TRIM44: variants seen among roughly 807,000 people sequenced by gnomAD.
TRIM44 encodes the protein tripartite motif containing 44, also known as tripartite motif-containing protein 44.
Under a neutral mutation model 37.4 loss-of-function variants are expected in TRIM44, and 13 were observed. The observed-to-expected ratio is 0.35, with a 90% CI of 0.23 to 0.55. The LOEUF (loss-of-function observed/expected upper bound fraction) is 0.55, where lower values mean the gene tolerates loss of function less well. TRIM44 is among the 20% of genes least tolerant of loss of function. The probability of loss-of-function intolerance (pLI) is 0.89; values close to 1 mark genes in which losing one functional copy is unlikely to be tolerated. For synonymous variants in TRIM44, 175 were observed against 157.2 expected (o/e 1.11, Z -0.85); for missense variants, 426 against 437.2 (o/e 0.97, Z 0.23).
At chr11:35,749,036 G>A (rs536976231) in intron 4 of TRIM44, among the ~76,000 whole-genome samples, 7 of 152,146 alleles carry the variant, frequency 4.6e-5, no homozygotes, top group Admixed American at 2.6e-4. Context: ...GTGTGTATGT[G>A]TATGTTAGAG....
At chr11:35,754,758 G>T (rs571534586) in intron 4 of TRIM44, among the ~76,000 whole-genome samples, 32 of 150,906 alleles carry the variant, frequency 2.1e-4, no homozygotes, top group Non-Finnish European at 4.3e-4. Context: ...TGCGGTGTTT[G>T]GTTTTTTGTT....
At chr11:35,674,202 T>G (rs1450918959) in intron 1 of TRIM44, among the ~76,000 whole-genome samples, 1 of 150,132 alleles carries the variant, frequency 6.7e-6, no homozygotes, top group African/African-American at 2.5e-5. Context: ...GAGTTGAATC[T>G]TGTGTGTGTG....
At chr11:35,690,117 A>G (rs1384725598) in intron 2 of TRIM44, among the ~76,000 whole-genome samples, 1 of 152,178 alleles carries the variant, frequency 6.6e-6, no homozygotes, top group African/African-American at 2.4e-5. Flanking sequence ...ATCATACCCA[A>G]GGCTTCCTGA....
intron 2 of TRIM44, among the ~76,000 whole-genome samples, chr11:35,699,582 A>G (rs553747409): frequency 6.6e-6 from 1 of 152,124 alleles, no homozygotes; most frequent in East Asian, 1.9e-4. Context: ...TATTCAACAT[A>G]GTGTTGAAAG....
intron 4 of TRIM44, among the ~76,000 whole-genome samples, chr11:35,768,341 G>GT (rs1852823690): frequency 6.6e-6 from 1 of 152,188 alleles, no homozygotes. Context: ...TTGAAAATAA[G>GT]TAAAAGAAGC....
At chr11:35,802,258 A>G (rs961328538) in intron 4 of TRIM44, among the ~76,000 whole-genome samples, 8 of 152,310 alleles carry the variant, frequency 5.3e-5, no homozygotes, top group Admixed American at 3.9e-4. Flanking sequence ...AGATAGATAA[A>G]ACACACAGCC....
rs929959124 is a variant in TRIM44 at position 35,817,074 on chromosome 11, T to C, written c.*10689T>C. Reference sequence around the variant, plus strand: ...AGGTTGTATTAGTCGTTTGCTCCTATATTACTAATGATGACAAAGTCGCCT... The same window carrying C: ...AGGTTGTATTAGTCGTTTGCTCCTACATTACTAATGATGACAAAGTCGCCT... On this transcript the variant is annotated 3_prime_UTR_variant, in exon 5 of 5. Transcript: ENST00000299413. The C allele has an allele frequency of 6.6e-6, 1 of 152,218 alleles. No individual in the cohort carries two copies. The highest frequency in any genetic ancestry group is 2.4e-5 in the African/African-American group (1 of 41,462). The allele number at this position is 152,218 out of a possible 1,614,324, so 9.4% of individuals were successfully genotyped here.
chr11:35,785,866 A>C (rs1001739764), intron 4 of TRIM44, among the ~76,000 whole-genome samples: 4 of 152,170 alleles, frequency 2.6e-5, no homozygotes, highest in African/African-American at 9.7e-5. Flanking sequence ...CTAGTCTCTC[A>C]ATTGCTGTGC....
At chr11:35,689,447 C>A (rs11033239) in intron 2 of TRIM44, among the ~76,000 whole-genome samples, 1 of 152,096 alleles carries the variant, frequency 6.6e-6, no homozygotes, top group Non-Finnish European at 1.5e-5. Context: ...TTTGTCAAAA[C>A]GATTAGTAGG....
intron 4 of TRIM44, among the ~76,000 whole-genome samples, chr11:35,768,070 C>T (rs1461368105): frequency 6.6e-6 from 1 of 152,146 alleles, no homozygotes; most frequent in Non-Finnish European, 1.5e-5. Context: ...GAGAGCACTG[C>T]CCAAGGCATA....
At chr11:35,791,319 T>G (rs1244644430) in intron 4 of TRIM44, among the ~76,000 whole-genome samples, 1 of 152,148 alleles carries the variant, frequency 6.6e-6, no homozygotes, top group Non-Finnish European at 1.5e-5. Flanking sequence ...CTTTTTTTCC[T>G]GAAACATCTG....
At chr11:35,723,522 A>G (rs577538402) in intron 2 of TRIM44, among the ~76,000 whole-genome samples, 1 of 152,350 alleles carries the variant, frequency 6.6e-6, no homozygotes, top group East Asian at 1.9e-4. Flanking sequence ...GGTTTTGTAA[A>G]GCGGATTATT....
In TRIM44 at chr11:35,782,619, A is replaced by G. The variant is rs549011735; in HGVS notation, c.1008-23739A>G. Among the ~76,000 whole-genome samples the G allele has an allele frequency of 5.3e-5, 8 of 152,158 alleles. No homozygotes were observed. The East Asian group carries it at 1.4e-3, about 26-fold the overall frequency. ...GCTTTGGGTATTATACCCATGTTCA[A>G]TCATGAGGGAGGGGTCAGAAGAAGC... On this transcript the variant is annotated intron_variant, in intron 4 of 4. Transcript: ENST00000299413.
At chr11:35,722,329 T>C (rs1852119790) in intron 2 of TRIM44, among the ~76,000 whole-genome samples, 1 of 152,294 alleles carries the variant, frequency 6.6e-6, no homozygotes, top group African/African-American at 2.4e-5. Context: ...TGTTACCAAA[T>C]AGGGGTCCTG....
At chr11:35,767,222 T>C (rs563312185) in intron 4 of TRIM44, among the ~76,000 whole-genome samples, 1 of 152,212 alleles carries the variant, frequency 6.6e-6, no homozygotes, top group Non-Finnish European at 1.5e-5. Flanking sequence ...TTAATCATTA[T>C]AGTGGTATTA....
intron 4 of TRIM44, among the ~76,000 whole-genome samples, chr11:35,786,427 C>G (rs980239938): frequency 6.6e-6 from 1 of 152,170 alleles, no homozygotes; most frequent in Admixed American, 6.5e-5. Flanking sequence ...GTTGACTCTT[C>G]TTTTAACCAG....
intron 2 of TRIM44, among the ~76,000 whole-genome samples, chr11:35,686,933 A>G (rs1851588842): frequency 6.6e-6 from 1 of 152,196 alleles, no homozygotes; most frequent in Non-Finnish European, 1.5e-5. Flanking sequence ...TTCGGTACCC[A>G]TTAAATGCTA....
At position 35,791,622 on chromosome 11, in the gene TRIM44, T is replaced by C. The variant is rs557000898; in HGVS notation, c.1008-14736T>C. ...TGAACTTTTCACAGCTCCTTGAACA[T>C]GCCAAGCTGTTTCACATCTTCAAGA... On this transcript the variant is annotated intron_variant, in intron 4 of 4. Transcript: ENST00000299413. Among the ~76,000 whole-genome samples, 4 of 152,308 alleles carry C rather than the reference T, an allele frequency of 2.6e-5. No homozygotes were observed. In the East Asian group the frequency reaches 7.7e-4, roughly 29 times the overall value.
chr11:35,745,327 T>C (rs1276375066), intron 4 of TRIM44, among the ~76,000 whole-genome samples: 1 of 152,228 alleles, frequency 6.6e-6, no homozygotes, highest in African/African-American at 2.4e-5. Flanking sequence ...ATGTCTTCTT[T>C]GGAGAAGGGC....
Sources: gnomAD v4.1 joint callset for allele counts (sites outside exome capture counted in the v4.1 genomes callset) on GRCh38, gnomAD v4.1.1 for gene constraint, MANE v1.5 for transcripts, NCBI Gene and HGNC (gene_info 2026-07-23, HGNC 2026-07-21) for gene names.